CEMIP: variants seen among roughly 807,000 people sequenced by gnomAD.
CEMIP encodes cell migration-inducing and hyaluronan-binding protein.
CEMIP carries 105 observed loss-of-function variants against 156.9 expected under a neutral mutation model. The observed-to-expected ratio is 0.67, with a 90% CI of 0.57 to 0.79. The LOEUF is 0.79. CEMIP is among the 30% of genes least tolerant of loss of function. The probability of loss-of-function intolerance (pLI) is 0.00; values close to 1 mark genes in which losing one functional copy is unlikely to be tolerated. For synonymous variants in CEMIP, 676 were observed against 668.4 expected (o/e 1.01, Z -0.17); for missense variants, 1,457 against 1,769.4 (o/e 0.82, Z 3.17).
intron 24 of CEMIP, 21 bp downstream of exon 24, chr15:80,936,906 G>C (rs372912131): frequency 7.3e-5 from 117 of 1,609,348 alleles, no homozygotes; most frequent in Non-Finnish European, 9.4e-5. Flanking sequence ...GTCCAGCCAG[G>C]AGCAGTGAGC....
intron 12 of CEMIP, among the ~76,000 whole-genome samples, chr15:80,899,041 C>T (rs1200940427): frequency 4.6e-5 from 7 of 151,988 alleles, no homozygotes; most frequent in Non-Finnish European, 1.0e-4. Flanking sequence ...GATGAAACCC[C>T]GTCTCTACTA....
chr15:80,836,161 G>C, intron 1 of CEMIP, among the ~76,000 whole-genome samples: 1 of 148,370 alleles, frequency 6.7e-6, no homozygotes. Flanking sequence ...CCTATCCACT[G>C]TTAGTGCATT....
chr15:80,860,771 C>T (rs1897964946), intron 1 of CEMIP, among the ~76,000 whole-genome samples: 1 of 152,138 alleles, frequency 6.6e-6, no homozygotes, highest in Admixed American at 6.5e-5. Flanking sequence ...TTATCACCCT[C>T]AACTTACCCT....
chr15:80,848,926 A>ACACACACACACACACACACACACACACC (rs374603705), intron 1 of CEMIP, among the ~76,000 whole-genome samples: 34 of 131,158 alleles, frequency 2.6e-4, no homozygotes, highest in African/African-American at 9.5e-4. Context: ...ACACACACAC[A>ACACACACACACACACACACACACACACC]CCCTGGCTTC....
intron 1 of CEMIP, among the ~76,000 whole-genome samples, chr15:80,783,735 A>G (rs1596084927): frequency 6.6e-6 from 1 of 152,172 alleles, no homozygotes; most frequent in African/African-American, 2.4e-5. Flanking sequence ...GGGCCATCTT[A>G]TCCTCTCTGG....
chr15:80,781,660 T>TA (rs57583640), intron 1 of CEMIP, among the ~76,000 whole-genome samples: 2 of 151,880 alleles, frequency 1.3e-5, no homozygotes, highest in African/African-American at 2.4e-5. Context: ...ACACCTCTTA[T>TA]AAAAAAAAAT....
At chr15:80,839,209 G>GGA (rs1897331683) in intron 1 of CEMIP, among the ~76,000 whole-genome samples, 1 of 151,846 alleles carries the variant, frequency 6.6e-6, no homozygotes. Context: ...TCAGCCAGCA[G>GGA]GAATCGCATT....
intron 19 of CEMIP, among the ~76,000 whole-genome samples, chr15:80,926,822 G>GC (rs1900692962): frequency 7.9e-6 from 1 of 126,058 alleles, no homozygotes; most frequent in African/African-American, 3.7e-5. Context: ...GAGCGGGTGG[G>GC]GGGGGGGGGT....
chr15:80,918,564 T>A (rs1026328062), intron 14 of CEMIP, among the ~76,000 whole-genome samples: 1 of 152,114 alleles, frequency 6.6e-6, no homozygotes, highest in East Asian at 1.9e-4. Flanking sequence ...GGTATGTGGA[T>A]TTTCCAGTGC....
At chr15:80,839,121 G>C (rs569410832) in intron 1 of CEMIP, among the ~76,000 whole-genome samples, 61 of 152,246 alleles carry the variant, frequency 4.0e-4, no homozygotes, top group Admixed American at 1.2e-3. Flanking sequence ...GAGAGGAGGA[G>C]AAGCTGCTGA....
intron 1 of CEMIP, among the ~76,000 whole-genome samples, chr15:80,869,207 C>T (rs957694425): frequency 1.3e-5 from 2 of 152,160 alleles, no homozygotes; most frequent in African/African-American, 2.4e-5. Flanking sequence ...AGGGCCCACC[C>T]GTATGACCTC....
chr15:80,851,707 AG>A (rs888690509), intron 1 of CEMIP, among the ~76,000 whole-genome samples: 1 of 152,146 alleles, frequency 6.6e-6, no homozygotes, highest in East Asian at 1.9e-4. Flanking sequence ...CTGGGTGGGC[AG>A]GGGGTCATCT....
At position 80,942,117 on chromosome 15, in the gene CEMIP, G is replaced by A. The variant is rs115367906; in HGVS notation, c.3612+64G>A. The A allele has an allele frequency of 1.3e-3, 2,023 of 1,548,768 alleles. 10 individuals carry two copies. The African/African-American group carries it at 0.016, about 13-fold the overall frequency. On this transcript the variant is annotated intron_variant, in intron 26 of 29. Transcript: ENST00000394685. ...CCAGTCGGGCCTAGAGCCCTTTGCC[G>A]TCCAGTCGGGCCCAGACCCAATTAG...
rs749170084 is a variant in CEMIP, at chr15:80,929,143, G to A, written c.2581G>A (p.Asp861Asn). 2 of 1,614,204 alleles carry A rather than the reference G, an allele frequency of 1.2e-6. No homozygotes were observed. The highest frequency in any genetic ancestry group is 1.7e-6 in the Non-Finnish European group (2 of 1,180,030). ...TAGGATCTGGGGCCCTGGCGGCTTGGACCATAGCGGAAGGACCCTCCCTAT... is the reference window on the plus strand; with the variant it reads ...TAGGATCTGGGGCCCTGGCGGCTTGAACCATAGCGGAAGGACCCTCCCTAT... ...DNRIWGPGGLDHSGRTLPIGQ... is the reference protein window; with the variant it reads ...DNRIWGPGGLNHSGRTLPIGQ... Residue 861 changes from aspartate (D) to asparagine (N), a missense_variant, in exon 21 of 30, where the codon GAC becomes AAC. Around this residue, in one of 5 missense-constraint regions of CEMIP, gnomAD observed 798 missense variants for 980.1 expected, o/e 0.81. Transcript: ENST00000394685.
At chr15:80,914,153 C>T (rs1290599133) in intron 14 of CEMIP, among the ~76,000 whole-genome samples, 1 of 152,178 alleles carries the variant, frequency 6.6e-6, no homozygotes, top group African/African-American at 2.4e-5. Flanking sequence ...CCCACTTCAT[C>T]TTAACATGTG....
chr15:80,797,405 G>A (rs747583026), intron 1 of CEMIP, among the ~76,000 whole-genome samples: 1 of 152,172 alleles, frequency 6.6e-6, no homozygotes, highest in African/African-American at 2.4e-5. Flanking sequence ...GGAGGACAGA[G>A]GCGTGCAGGG....
rs1479874097 is a variant in CEMIP, at chr15:80,895,077, AG to A, written c.1175del (p.Arg392LysfsTer16). ...TAGGTTTGCTTGCTACGACCGGGGC[AG>A]AGCCTGCCGGAGCTACCGTGTACGG... Reference protein sequence around the residue: ...DYRFACYDRGRACRSYRVRFL... With the variant: ...DYRFACYDRGXACRSYRVRFL... On this transcript the variant is annotated frameshift_variant, in exon 11 of 30. Transcript: ENST00000394685. LOFTEE classifies it high-confidence loss of function. The A allele has an allele frequency of 6.2e-7, 1 of 1,614,254 alleles. No individual in the cohort carries two copies.
rs769772252 is a variant in CEMIP, at chr15:80,936,707, C to A, written c.3043C>A (p.Arg1015=). Residue 1015 remains arginine, a synonymous_variant, in exon 24 of 30, where the codon CGA becomes AGA. Coordinates refer to ENST00000394685, the MANE Select transcript of CEMIP (RefSeq NM_001293298.2). The part of the protein sequence containing the change: ...YIQAYKTSNL[R]MKIIKNDFPS... ...TCAAGCCTACAAGACCAGTAACCTG[C>A]GAATGAAGATCATCAAGAATGACTT... is the stretch of plus-strand genomic sequence containing the variant. 4 of 1,613,966 alleles carry A rather than the reference C, an allele frequency of 2.5e-6. No homozygotes were observed. The highest frequency in any genetic ancestry group is 1.7e-5 in the Admixed American group (1 of 60,012).
intron 15 of CEMIP, 102 bp from the exon 16 acceptor site, chr15:80,920,930 C>G (rs1900447488): frequency 1.2e-6 from 1 of 865,818 alleles, no homozygotes; most frequent in Non-Finnish European, 1.9e-6. Flanking sequence ...TGATAAGAGA[C>G]TATCAGGCCA....
Sources: allele counts gnomAD v4.1 joint callset (sites outside exome capture counted in the v4.1 genomes callset), GRCh38; gene constraint gnomAD v4.1.1; regional missense constraint gnomAD v4.1.1; transcripts MANE v1.5; gene names NCBI Gene and HGNC (gene_info 2026-07-23, HGNC 2026-07-21).